FANCL: variants seen among roughly 807,000 people sequenced by gnomAD.
The protein encoded by FANCL is FA complementation group L, also known as E3 ubiquitin-protein ligase FANCL.
Under a neutral mutation model 59.4 loss-of-function variants are expected in FANCL, and 69 were observed. The observed-to-expected ratio is 1.16, with a 90% CI of 0.96 to 1.42. The LOEUF is 1.42. FANCL is among the 40% of genes most tolerant of loss of function. The pLI is 0.00. For synonymous variants in FANCL, 180 were observed against 147.1 expected, an observed-to-expected ratio of 1.22 and a Z score of -1.62; for missense variants, 519 against 447.2, an observed-to-expected ratio of 1.16 and a Z score of -1.45.
intron 5 of FANCL, among the ~76,000 whole-genome samples, chr2:58,216,987 C>G (rs1224016455): frequency 2.7e-5 from 4 of 149,556 alleles, no homozygotes; most frequent in Non-Finnish European, 5.9e-5. Flanking sequence ...TTATTTAACC[C>G]TTGGCAGCAG....
chr2:58,198,661 T>C lies in FANCL; in HGVS notation c.473A>G (p.Tyr158Cys), dbSNP rs1191234581. 6.2e-7 allele frequency: 1 copy of C among 1,613,212 alleles called. No individual in the cohort carries two copies. Among genetic ancestry groups the C allele is most frequent in the South Asian group, 1.1e-5 (1 of 91,054 alleles). ...AAAATAATCTGGTGATTCTGCAGGATACTATTAAAAAAGCATAACATTAGA... is the reference window on the plus strand; with the variant it reads ...AAAATAATCTGGTGATTCTGCAGGACACTATTAAAAAAGCATAACATTAGA... The part of the protein sequence containing the change: ...HLITLKLKAK[Y>C]PAESPDYFVD... Residue 158 changes from tyrosine to cysteine, a missense_variant and splice_region_variant, in exon 7 of 14, where the codon TAT becomes TGT. Physicochemically the swap from Tyr to Cys is radical, Grantham distance 194 (BLOSUM62 -2). Transcript: ENST00000233741.
intron 7 of FANCL, among the ~76,000 whole-genome samples, chr2:58,176,839 A>G (rs1437564373): frequency 2.0e-5 from 3 of 152,330 alleles, no homozygotes; most frequent in South Asian, 2.1e-4. Flanking sequence ...CAGAGTGAAC[A>G]GGCAACCTAC....
chr2:58,240,746 T>C (rs982076125), intron 1 of FANCL, among the ~76,000 whole-genome samples: 2 of 152,190 alleles, frequency 1.3e-5, no homozygotes, highest in East Asian at 1.9e-4. Flanking sequence ...TACAGGTACA[T>C]ACGACTTGGC....
chr2:58,167,160 C>T (rs992319729), intron 7 of FANCL, among the ~76,000 whole-genome samples: 6 of 152,172 alleles, frequency 3.9e-5, no homozygotes, highest in South Asian at 2.1e-4. Context: ...TGCAGTGGGC[C>T]GAGATCGCGC....
chr2:58,173,752 C>T (rs1185837514), intron 7 of FANCL, among the ~76,000 whole-genome samples: 2 of 152,150 alleles, frequency 1.3e-5, no homozygotes, highest in South Asian at 4.1e-4. Flanking sequence ...AACCAGCTAA[C>T]ATCATAATGA....
chr2:58,227,652 C>T (rs1416418044), intron 3 of FANCL, among the ~76,000 whole-genome samples: 5 of 152,102 alleles, frequency 3.3e-5, no homozygotes, highest in Admixed American at 6.5e-5. Flanking sequence ...TTTCTCTCAA[C>T]GTCCAGCCAC....
At chr2:58,226,327 C>T (rs1692994948) in intron 4 of FANCL, among the ~76,000 whole-genome samples, 1 of 152,118 alleles carries the variant, frequency 6.6e-6, no homozygotes, top group South Asian at 2.1e-4. Context: ...TAACAGTATA[C>T]ATAAAATGAA....
chr2:58,171,269 A>G (rs1686578109), intron 7 of FANCL, among the ~76,000 whole-genome samples: 1 of 152,182 alleles, frequency 6.6e-6, no homozygotes, highest in South Asian at 2.1e-4. Context: ...CTCCTGAATG[A>G]CTACTGAGTA....
intron 7 of FANCL, among the ~76,000 whole-genome samples, chr2:58,179,842 C>T (rs1687745844): frequency 6.6e-6 from 1 of 151,534 alleles, no homozygotes; most frequent in Non-Finnish European, 1.5e-5. Context: ...TGACAAAGGG[C>T]TAATATCCAG....
In FANCL at chr2:58,195,564, A is replaced by G. The variant is rs150701382; in HGVS notation, c.540+3030T>C. Among the ~76,000 whole-genome samples the G allele has an allele frequency of 2.2e-4, 33 of 152,288 alleles. No individual in the cohort carries two copies. In the East Asian group the frequency reaches 6.0e-3, roughly 28 times the overall value. The stretch of plus-strand genomic sequence containing the variant: ...TGAAACACAACAGAAACCACAAGAG[A>G]AGGATGTGACCAGACTGAAAGTTAA... On this transcript the variant is annotated intron_variant, in intron 7 of 13. Coordinates refer to ENST00000233741, the MANE Select transcript of FANCL (RefSeq NM_018062.4).
At chr2:58,225,785 A>C (rs1342109864) in intron 4 of FANCL, among the ~76,000 whole-genome samples, 1 of 152,044 alleles carries the variant, frequency 6.6e-6, no homozygotes, top group Non-Finnish European at 1.5e-5. Flanking sequence ...TTTATAGGAC[A>C]CCTAATTTGT....
At chr2:58,238,155 G>T (rs1290625692) in intron 1 of FANCL, among the ~76,000 whole-genome samples, 2 of 152,122 alleles carry the variant, frequency 1.3e-5, no homozygotes, top group Non-Finnish European at 2.9e-5. Flanking sequence ...AACATTATGG[G>T]ATTTTTTGTG....
intron 7 of FANCL, among the ~76,000 whole-genome samples, chr2:58,197,206 C>A (rs1004403292): frequency 4.0e-5 from 6 of 150,460 alleles, no homozygotes; most frequent in Non-Finnish European, 7.4e-5. Context: ...TGGATAAATA[C>A]AATATATAAT....
chr2:58,219,156 AAAAAAAAAAAAAAAAATATAT>A (rs1692164623), intron 5 of FANCL, among the ~76,000 whole-genome samples: 1 of 93,168 alleles, frequency 1.1e-5, no homozygotes, highest in Non-Finnish European at 1.9e-5. Flanking sequence ...AAAAAAAAAA[AAAAAAAAAAAAAAAAATATAT>A]ATATATATAT....
At chr2:58,222,213 A>G (rs1692544687) in intron 4 of FANCL, among the ~76,000 whole-genome samples, 171 bp from the exon 5 acceptor site, 1 of 152,066 alleles carries the variant, frequency 6.6e-6, no homozygotes, top group Non-Finnish European at 1.5e-5. Context: ...AGACAAGAAA[A>G]AGTTAAAGGA....
intron 7 of FANCL, among the ~76,000 whole-genome samples, chr2:58,173,875 C>T (rs1686959493): frequency 6.6e-6 from 1 of 152,010 alleles, no homozygotes; most frequent in Admixed American, 6.6e-5. Context: ...CATCAGTGTG[C>T]TGTATTCAGG....
chr2:58,184,440 CCA>C (rs1168501836), intron 7 of FANCL, among the ~76,000 whole-genome samples: 1 of 151,972 alleles, frequency 6.6e-6, no homozygotes, highest in Non-Finnish European at 1.5e-5. Context: ...AGGTTTTGAA[CCA>C]CAAATTCTTA....
chr2:58,239,920 G>A (rs1475286918), intron 1 of FANCL, among the ~76,000 whole-genome samples: 2 of 152,006 alleles, frequency 1.3e-5, no homozygotes, highest in Non-Finnish European at 2.9e-5. Flanking sequence ...TTTTAGACAC[G>A]TAAAATGTTT....
intron 5 of FANCL, among the ~76,000 whole-genome samples, chr2:58,218,898 T>C (rs181862205): frequency 8.4e-4 from 128 of 151,650 alleles, no homozygotes; most frequent in African/African-American, 2.8e-3. Context: ...AATGGTTATA[T>C]ACAAAAACAT....
Sources: allele counts gnomAD v4.1 joint callset (sites outside exome capture counted in the v4.1 genomes callset), GRCh38; gene constraint gnomAD v4.1.1; transcripts MANE v1.5; gene names NCBI Gene and HGNC (gene_info 2026-07-23, HGNC 2026-07-21).